The following ZFR variants were observed in gnomAD, a reference collection of about 807,000 sequenced individuals.
The protein encoded by ZFR is zinc finger RNA-binding protein.
In ZFR, 19 loss-of-function variants were observed where a neutral mutation model predicts 130.7. The observed-to-expected ratio is 0.15, with a 90% CI of 0.10 to 0.21. The LOEUF (loss-of-function observed/expected upper bound fraction) is 0.21. Ranked by LOEUF, ZFR falls within the 10% of genes least tolerant of loss-of-function variation. The pLI is 1.00. For missense variants in ZFR, 872 were observed against 1,321.5 expected, an observed-to-expected ratio of 0.66 and a Z score of 5.27; for synonymous variants, 466 against 456.9, an observed-to-expected ratio of 1.02 and a Z score of -0.25.
At position 32,355,904 on chromosome 5, in the gene ZFR, G is replaced by A; in HGVS notation, c.3081C>T (p.His1027=). The part of the protein sequence containing the change: ...ALRLLAFRQI[H]KVLGMDPLPQ... ...GTAATGGATCCATGCCTAGAACTTTGTGTATCTGGCGGAATGCAAGGAGTC... is the reference window on the plus strand; with the variant it reads ...GTAATGGATCCATGCCTAGAACTTTATGTATCTGGCGGAATGCAAGGAGTC... Residue 1027 remains histidine, a synonymous_variant, in exon 20 of 20, where the codon CAC becomes CAT. Transcript: ENST00000265069. 1 of 1,600,210 alleles carries A rather than the reference G, an allele frequency of 6.2e-7. No homozygotes were observed. Among genetic ancestry groups the A allele is most frequent in the Admixed American group, 1.8e-5 (1 of 56,486 alleles).
intron 17 of ZFR, among the ~76,000 whole-genome samples, chr5:32,369,674 T>A (rs954546971): frequency 6.6e-6 from 1 of 151,794 alleles, no homozygotes; most frequent in African/African-American, 2.4e-5. Flanking sequence ...TAACCAGGCA[T>A]GGTAGCATGC....
intron 16 of ZFR, chr5:32,379,432 G>A: frequency 2.0e-6 from 1 of 506,074 alleles, no homozygotes; most frequent in African/African-American, 2.0e-5. Context: ...GATTATACAA[G>A]AATAATATTT....
intron 8 of ZFR, 139 bp downstream of exon 8, chr5:32,402,967 G>C: frequency 1.3e-6 from 1 of 763,614 alleles, no homozygotes; most frequent in Non-Finnish European, 2.1e-6. Context: ...ACACACACTA[G>C]GCAGATATGT....
rs763164605 is a variant in ZFR, at chr5:32,419,848, T to G, written c.393A>C (p.Pro131=). Residue 131 remains proline (P), a synonymous_variant, in exon 3 of 20, where the codon CCA becomes CCC. Transcript: ENST00000265069. ...GGTAGTTTTGTGTAGTAGCTGGGGG[T>G]GGTGGTGGTGGTGCTTCTTGTTGCC... ...TQRQQEAPPP[P]PPATTQNYQD... 4.9e-5 allele frequency: 78 copies of G among 1,594,698 alleles called. No individual in the cohort carries two copies. The South Asian group carries it at 5.3e-4, about 11-fold the overall frequency.
At chr5:32,357,386 C>T (rs1000954817) in intron 19 of ZFR, among the ~76,000 whole-genome samples, 15 of 152,216 alleles carry the variant, frequency 9.9e-5, no homozygotes, top group Non-Finnish European at 1.6e-4. Flanking sequence ...CTGCCTCAGC[C>T]TCCAAAGCAG....
intron 17 of ZFR, among the ~76,000 whole-genome samples, chr5:32,366,864 C>T (rs1388361972): frequency 6.7e-6 from 1 of 149,112 alleles, no homozygotes; most frequent in East Asian, 1.9e-4. Context: ...GTAATATTTG[C>T]TTTAAAAGAT....
intron 19 of ZFR, among the ~76,000 whole-genome samples, chr5:32,363,047 A>AT (rs1752470011): frequency 6.6e-6 from 1 of 152,236 alleles, no homozygotes. Flanking sequence ...TCTGTAAGAT[A>AT]TCCATAATAT....
chr5:32,444,426 G>A (rs1754556652), intron 1 of ZFR, 98 bp from the exon 2 acceptor site: 2 of 1,400,262 alleles, frequency 1.4e-6, no homozygotes, highest in Non-Finnish European at 1.9e-6. Flanking sequence ...GAGAGGCGCC[G>A]TGAGAGCAGC....
chr5:32,379,423 A>C, intron 16 of ZFR: 1 of 552,862 alleles, frequency 1.8e-6, no homozygotes, highest in African/African-American at 1.9e-5. Context: ...AAGTAAACAG[A>C]TTATACAAGA....
At chr5:32,375,847 GT>G (rs776220828) in intron 17 of ZFR, among the ~76,000 whole-genome samples, 143 of 140,950 alleles carry the variant, frequency 1.0e-3, no homozygotes, top group African/African-American at 1.9e-3. Context: ...TTTTAAATTA[GT>G]TTTTTTTTTT....
chr5:32,443,429 A>G (rs1472638914), intron 2 of ZFR, among the ~76,000 whole-genome samples: 1 of 152,244 alleles, frequency 6.6e-6, no homozygotes. Context: ...CCGCAGGGGA[A>G]AGACCCCCGC....
At chr5:32,407,158 G>A in intron 5 of ZFR, 137 bp from the exon 6 acceptor site, 1 of 782,448 alleles carries the variant, frequency 1.3e-6, no homozygotes, top group Non-Finnish European at 1.9e-6. Flanking sequence ...ATATCTCACA[G>A]AACCAGAAAA....
chr5:32,410,373 C>G (rs915886433), intron 5 of ZFR, among the ~76,000 whole-genome samples: 1 of 149,796 alleles, frequency 6.7e-6, no homozygotes, highest in Non-Finnish European at 1.5e-5. Flanking sequence ...CTTTGAGAGG[C>G]GGAGGTGGGC....
In ZFR at chr5:32,415,524, G is replaced by GTGCA. The variant is rs1561908553; in HGVS notation, c.566-338_566-337insTGCA. 4.9e-4 allele frequency among the ~76,000 whole-genome samples: 37 copies of GTGCA among 76,062 alleles called. 1 individual carries two copies. The highest frequency in any genetic ancestry group is 1.5e-3 in the African/African-American group (36 of 24,658). 49.9% of individuals were successfully genotyped at this position (76,062 alleles called of 152,430 possible). On this transcript the variant is annotated intron_variant, in intron 4 of 19. Coordinates refer to ENST00000265069, the MANE Select transcript of ZFR (RefSeq NM_016107.5). ...TGTGTGTGTGTGTGTGTGCGCGCGCGCGCGCGCGCACTAGTCAGTCTACTT... is the reference window on the plus strand; with the variant it reads ...TGTGTGTGTGTGTGTGTGCGCGCGCGTGCACGCGCGCGCACTAGTCAGTCTACTT...
rs1218950269 is a variant in ZFR, at chr5:32,420,077, T to A, written c.164A>T (p.Tyr55Phe). 1 of 1,599,362 alleles carries A rather than the reference T, an allele frequency of 6.3e-7. No homozygotes were observed. The highest frequency in any genetic ancestry group is 2.2e-5 in the East Asian group (1 of 44,532). The part of the protein sequence containing the change: ...YSQQPASGVA[Y>F]SHPTTVASYT... ...GCTAGCAACTGTAGTTGGATGAGAA[T>A]AGGCTACACCCGAAGCTGGCTGCTG... Residue 55 changes from tyrosine (Y) to phenylalanine (F), a missense_variant, in exon 3 of 20, where the codon TAT becomes TTT. Transcript: ENST00000265069.
At position 32,385,621 on chromosome 5, in the gene ZFR, T is replaced by G. The variant is rs781641442; in HGVS notation, c.2528A>C (p.Lys843Thr). The change falls in exon 15 of 20, where the codon AAA (lysine) becomes ACA (threonine). Residue 843 changes from lysine to threonine, a missense_variant. Lys to Thr is a moderately conservative substitution (Grantham distance 78). Transcript: ENST00000265069. ...AVISPEKYDIKCAVSEAAIIL... is the reference protein window; with the variant it reads ...AVISPEKYDITCAVSEAAIIL... ...TATTGCCGCTTCAGATACAGCACAT[T>G]TTATGTCATACTTCTCAGGGCTTAT... The G allele has an allele frequency of 1.2e-6, 2 of 1,613,330 alleles. 1 individual carries two copies. Among genetic ancestry groups the G allele is most frequent in the South Asian group, 2.2e-5 (2 of 91,044 alleles).
intron 1 of ZFR, 73 bp downstream of exon 1, chr5:32,444,549 C>G (rs1040541983): frequency 2.8e-6 from 4 of 1,426,388 alleles, no homozygotes; most frequent in Middle Eastern, 1.9e-4. Context: ...CCTGCCCCAA[C>G]CCCCGCGGCT....
intron 14 of ZFR, 148 bp from the exon 15 acceptor site, chr5:32,385,797 G>A (rs4867435): frequency 0.92 from 658,071 of 711,504 alleles, 304,609 homozygotes; most frequent in African/African-American, 0.97. Context: ...AAGCCCTGCC[G>A]TACATGCCAG....
intron 14 of ZFR, among the ~76,000 whole-genome samples, chr5:32,386,602 T>C (rs1166678812): frequency 1.3e-5 from 2 of 151,826 alleles, no homozygotes; most frequent in African/African-American, 2.4e-5. Flanking sequence ...GAGTAAGAAG[T>C]AAACACACAA....
Sources: allele counts gnomAD v4.1 joint callset (sites outside exome capture counted in the v4.1 genomes callset), GRCh38; gene constraint gnomAD v4.1.1; transcripts MANE v1.5; gene names NCBI Gene and HGNC (gene_info 2026-07-23, HGNC 2026-07-21).